Variants in CTNNA3 observed in about 807,000 individuals in gnomAD.
The protein encoded by CTNNA3 is catenin alpha-3.
CTNNA3 carries 76 observed loss-of-function variants against 95.7 expected under a neutral mutation model. That is an observed-to-expected ratio of 0.79 (90% CI 0.66 to 0.96). The LOEUF is 0.96. CTNNA3 is among the 40% of genes least tolerant of loss of function. The pLI is 0.00. For missense variants in CTNNA3, 1,191 were observed against 1,089.8 expected (o/e 1.09, Z -1.31); for synonymous variants, 431 against 374.4 (o/e 1.15, Z -1.74).
chr10:66,361,709 CTAAT>C (rs2092677222), intron 12 of CTNNA3, among the ~76,000 whole-genome samples: 1 of 151,074 alleles, frequency 6.6e-6, no homozygotes, highest in Admixed American at 6.6e-5. Context: ...GGTTGATTTT[CTAAT>C]TTTCTGTAGA....
rs1379766516 is a variant in CTNNA3, at chr10:67,647,587, A to G, written c.-5-69T>C. On this transcript the variant is annotated intron_variant, in intron 1 of 17. Transcript: ENST00000433211. ...TTTTCTAAAGAAGAACACTTATGAA[A>G]TCATGGAATAGGTAAAACTTGTATT... The G allele has an allele frequency of 6.4e-6, 8 of 1,256,316 alleles. No homozygotes were observed. The African/African-American group carries it at 7.4e-5, about 12-fold the overall frequency. 77.8% of individuals were successfully genotyped at this position (1,256,316 alleles called of 1,614,324 possible). A position where few individuals can be genotyped will look rare whatever the true frequency, so the allele number is the denominator to read the frequency against.
chr10:66,432,813 C>A (rs943124586), intron 11 of CTNNA3, among the ~76,000 whole-genome samples: 3 of 151,958 alleles, frequency 2.0e-5, no homozygotes, highest in Admixed American at 1.3e-4. Context: ...TTGCCCCCAA[C>A]CCCCAACAGG....
intron 12 of CTNNA3, among the ~76,000 whole-genome samples, chr10:66,324,764 C>T (rs1028287324): frequency 2.6e-5 from 4 of 151,978 alleles, no homozygotes; most frequent in African/African-American, 7.3e-5. Context: ...CGATGCATGC[C>T]GGTTGGCCTT....
chr10:66,300,901 A>C (rs973303711), intron 12 of CTNNA3, among the ~76,000 whole-genome samples: 4 of 152,038 alleles, frequency 2.6e-5, no homozygotes, highest in Non-Finnish European at 5.9e-5. Flanking sequence ...TAGTTATCTG[A>C]AAAGATCAAT....
intron 10 of CTNNA3, among the ~76,000 whole-genome samples, chr10:66,577,557 T>A (rs1843046077): frequency 6.6e-6 from 1 of 152,072 alleles, no homozygotes; most frequent in Non-Finnish European, 1.5e-5. Context: ...TAGCCAGTGA[T>A]CCCAGCACCA....
intron 7 of CTNNA3, among the ~76,000 whole-genome samples, chr10:66,914,232 G>A (rs990652443): frequency 2.7e-5 from 4 of 149,670 alleles, no homozygotes; most frequent in Admixed American, 6.7e-5. Context: ...CCAGGTTGAC[G>A]CCATTCTCCT....
intron 15 of CTNNA3, among the ~76,000 whole-genome samples, chr10:66,065,051 A>G (rs2080284909): frequency 6.6e-6 from 1 of 152,140 alleles, no homozygotes; most frequent in South Asian, 2.1e-4. Context: ...AATTATTTAA[A>G]CCAAAAAGTG....
At chr10:66,332,983 C>A (rs1419082628) in intron 12 of CTNNA3, among the ~76,000 whole-genome samples, 1 of 151,966 alleles carries the variant, frequency 6.6e-6, no homozygotes, top group Non-Finnish European at 1.5e-5. Context: ...GGAATTTATC[C>A]ATTTCTTTGA....
At chr10:67,002,065 C>CT (rs901779504) in intron 7 of CTNNA3, among the ~76,000 whole-genome samples, 20 of 152,168 alleles carry the variant, frequency 1.3e-4, no homozygotes, top group Non-Finnish European at 7.4e-5. Flanking sequence ...GCTTTATTAA[C>CT]TTTTAGGAGC....
At chr10:67,033,262 AGG>A in intron 7 of CTNNA3, among the ~76,000 whole-genome samples, 1 of 152,186 alleles carries the variant, frequency 6.6e-6, no homozygotes, top group East Asian at 1.9e-4. Context: ...GTGTTATGTG[AGG>A]GTGCTTTCCA....
At chr10:67,351,685 G>A (rs980240942) in intron 5 of CTNNA3, among the ~76,000 whole-genome samples, 4 of 152,068 alleles carry the variant, frequency 2.6e-5, no homozygotes, top group African/African-American at 9.6e-5. Context: ...TTTTCTGAGA[G>A]AAGCTGTCAA....
chr10:66,647,312 A>C (rs1315567697), intron 9 of CTNNA3, among the ~76,000 whole-genome samples: 3 of 152,140 alleles, frequency 2.0e-5, no homozygotes, highest in African/African-American at 7.2e-5. Context: ...AGAGTGAAAA[A>C]GTGATATGCA....
chr10:67,505,638 T>A (rs1361516803), intron 5 of CTNNA3, among the ~76,000 whole-genome samples: 1 of 152,234 alleles, frequency 6.6e-6, no homozygotes, highest in Non-Finnish European at 1.5e-5. Flanking sequence ...CAAAATATTC[T>A]AAACATTTTC....
chr10:65,937,178 C>T lies in CTNNA3; in HGVS notation c.2401-16561G>A, dbSNP rs147112612. ...TGACTTTACATCTGCCTAATTAATG[C>T]AAATCAATGTCCTTTTTACATGAAC... On this transcript the variant is annotated intron_variant, in intron 17 of 17. Transcript: ENST00000433211. Among the ~76,000 whole-genome samples the T allele has an allele frequency of 6.5e-3, 994 of 152,156 alleles. 15 individuals carry two copies. Among genetic ancestry groups the T allele is most frequent in the African/African-American group, 0.022 (911 of 41,526 alleles).
At chr10:67,726,434 TATA>T (rs1841221202) in intron 1 of CTNNA3, among the ~76,000 whole-genome samples, 1 of 67,988 alleles carries the variant, frequency 1.5e-5, no homozygotes, top group Non-Finnish European at 2.4e-5. Context: ...TATTATATCA[TATA>T]TAATATATAA....
chr10:66,553,807 G>A (rs1006297153), intron 10 of CTNNA3, among the ~76,000 whole-genome samples: 7 of 151,876 alleles, frequency 4.6e-5, no homozygotes, highest in South Asian at 2.1e-4. Flanking sequence ...GATTACAGGC[G>A]TGAGCCACTG....
At chr10:67,579,974 AT>A (rs1324969837) in intron 3 of CTNNA3, among the ~76,000 whole-genome samples, 1 of 152,122 alleles carries the variant, frequency 6.6e-6, no homozygotes, top group Non-Finnish European at 1.5e-5. Context: ...AGATGGGTAG[AT>A]TGAAAAAATT....
Position 66,429,226 on chromosome 10 carries a change from C to T in CTNNA3, c.1532-49874G>A, listed in dbSNP as rs1303130141. Among the ~76,000 whole-genome samples the T allele has an allele frequency of 5.3e-5, 8 of 152,056 alleles. No homozygotes were observed. In the South Asian group the frequency reaches 1.7e-3, roughly 32 times the overall value. The stretch of plus-strand genomic sequence containing the variant: ...CAGGAAGAAGTTGAATCTCTGAATA[C>T]ACCAATAACAGACTCTGAAATTGAC... On this transcript the variant is annotated intron_variant, in intron 11 of 17. Coordinates refer to ENST00000433211, the MANE Select transcript of CTNNA3 (RefSeq NM_013266.4).
chr10:67,197,985 G>A (rs1042341710), intron 6 of CTNNA3, among the ~76,000 whole-genome samples: 1 of 152,094 alleles, frequency 6.6e-6, no homozygotes, highest in Admixed American at 6.5e-5. Context: ...CTGCCCAAAA[G>A]AGCAATCTAT....
Sources: allele counts gnomAD v4.1 joint callset (sites outside exome capture counted in the v4.1 genomes callset), GRCh38; gene constraint gnomAD v4.1.1; transcripts MANE v1.5; gene names NCBI Gene and HGNC (gene_info 2026-07-23, HGNC 2026-07-21).